Variants in XYLT1 observed in about 807,000 individuals in gnomAD.
XYLT1 encodes beta-D-xylosyltransferase 1.
Under a neutral mutation model 91.3 loss-of-function variants are expected in XYLT1, and 36 were observed. The ratio of observed to expected loss-of-function variants is 0.39; its 90% CI spans 0.30 to 0.52. The LOEUF (loss-of-function observed/expected upper bound fraction) is 0.52, where lower values mean the gene tolerates loss of function less well. XYLT1 is among the 20% of genes least tolerant of loss of function. The probability of loss-of-function intolerance (pLI) is 0.68; values close to 1 mark genes in which losing one functional copy is unlikely to be tolerated. For missense variants in XYLT1, 1,242 were observed against 1,284.5 expected (o/e 0.97, Z 0.51); for synonymous variants, 588 against 532.0 (o/e 1.11, Z -1.45).
chr16:17,331,566 G>C (rs574777171), intron 2 of XYLT1, among the ~76,000 whole-genome samples: 2 of 152,330 alleles, frequency 1.3e-5, no homozygotes, highest in African/African-American at 4.8e-5. Flanking sequence ...GTTTAAAGGA[G>C]GGAGGGATTA....
chr16:17,388,869 C>A (rs1006758560), intron 1 of XYLT1, among the ~76,000 whole-genome samples: 3 of 152,142 alleles, frequency 2.0e-5, no homozygotes, highest in African/African-American at 7.2e-5. Context: ...TGGGTCAAGG[C>A]AAAAGCACCT....
intron 1 of XYLT1, among the ~76,000 whole-genome samples, chr16:17,431,282 T>G (rs1317119908): frequency 6.6e-6 from 1 of 152,194 alleles, no homozygotes; most frequent in African/African-American, 2.4e-5. Context: ...CTTCTCAAAC[T>G]TCACGTGCAC....
intron 5 of XYLT1, chr16:17,193,642 T>G (rs537861311): frequency 2.7e-4 from 41 of 152,328 alleles, no homozygotes; most frequent in African/African-American, 9.1e-4. Flanking sequence ...CAGTGCCTCT[T>G]AGAAGTGCCT....
At chr16:17,370,291 C>T (rs765645273) in intron 1 of XYLT1, among the ~76,000 whole-genome samples, 12 of 152,316 alleles carry the variant, frequency 7.9e-5, no homozygotes, top group Non-Finnish European at 1.5e-4. Context: ...CAGGAGACGA[C>T]GCTGTGCTAA....
chr16:17,197,796 T>C (rs1286294743), intron 5 of XYLT1, among the ~76,000 whole-genome samples: 7 of 152,190 alleles, frequency 4.6e-5, no homozygotes, highest in Admixed American at 3.9e-4. Flanking sequence ...GTTTTGAGAA[T>C]CAGACTGGCT....
At chr16:17,275,491 A>G (rs1407489038) in intron 2 of XYLT1, among the ~76,000 whole-genome samples, 1 of 152,088 alleles carries the variant, frequency 6.6e-6, no homozygotes, top group Non-Finnish European at 1.5e-5. Context: ...AGGAGTCCAG[A>G]AGTAAGAGAG....
chr16:17,338,156 C>G (rs1381461378), intron 2 of XYLT1: 1 of 456,340 alleles, frequency 2.2e-6, no homozygotes, highest in South Asian at 1.5e-5. Flanking sequence ...ATCATAACTC[C>G]CCTGAACTGA....
At chr16:17,287,151 G>C (rs16968695) in intron 2 of XYLT1, among the ~76,000 whole-genome samples, 15,418 of 152,014 alleles carry the variant, frequency 0.1, 999 homozygotes, top group African/African-American at 0.18. Context: ...ACTGCAGCCA[G>C]CTAAAAATAG....
Position 17,459,741 on chromosome 16 carries a change from C to G in XYLT1, c.363+10693G>C, listed in dbSNP as rs145738455. The stretch of plus-strand genomic sequence containing the variant: ...ATTGGGAGGTCATCCTGCCCCCAAA[C>G]CATAAAGAGCATGAGGGCAGGGTCA... On this transcript the variant is annotated intron_variant, in intron 1 of 11. Transcript: ENST00000261381. Among the ~76,000 whole-genome samples, 476 of 152,304 alleles carry G rather than the reference C, an allele frequency of 3.1e-3. 24 individuals carry two copies. In the East Asian group the frequency reaches 0.063, roughly 20 times the overall value.
chr16:17,442,163 C>G (rs538032632), intron 1 of XYLT1, among the ~76,000 whole-genome samples: 26 of 152,320 alleles, frequency 1.7e-4, no homozygotes, highest in Non-Finnish European at 2.8e-4. Flanking sequence ...GAACAACACT[C>G]TGGCCCTCCT....
In XYLT1 at chr16:17,357,712, A is replaced by G. The variant is rs548584904; in HGVS notation, c.402+300T>C. On this transcript the variant is annotated intron_variant, in intron 2 of 11. Coordinates refer to ENST00000261381, the MANE Select transcript of XYLT1 (RefSeq NM_022166.4). ...TCTCCTTTGCATGAACCTCCGCATG[A>G]TGGTTGGGCAGGAGCGAAGGACAGA... Among the ~76,000 whole-genome samples, 89 of 152,270 alleles carry G rather than the reference A, an allele frequency of 5.8e-4. 1 individual carries two copies. The highest frequency in any genetic ancestry group is 2.0e-3 in the African/African-American group (83 of 41,530).
intron 3 of XYLT1, among the ~76,000 whole-genome samples, chr16:17,243,623 C>G (rs79632373): frequency 0.026 from 4,004 of 152,272 alleles, 188 homozygotes; most frequent in African/African-American, 0.092. Context: ...GGGAGGGGCA[C>G]AGCTAAAATT....
At chr16:17,302,280 G>A (rs1380017397) in intron 2 of XYLT1, among the ~76,000 whole-genome samples, 1 of 152,084 alleles carries the variant, frequency 6.6e-6, no homozygotes, top group Non-Finnish European at 1.5e-5. Context: ...CCAGGCCCAG[G>A]TACCAGGATG....
At chr16:17,171,700 G>C (rs2031823632) in intron 5 of XYLT1, among the ~76,000 whole-genome samples, 1 of 152,242 alleles carries the variant, frequency 6.6e-6, no homozygotes, top group Non-Finnish European at 1.5e-5. Flanking sequence ...TAGATCATCG[G>C]TTTTTAAGCT....
At chr16:17,380,328 T>C (rs1374562821) in intron 1 of XYLT1, among the ~76,000 whole-genome samples, 2 of 151,766 alleles carry the variant, frequency 1.3e-5, no homozygotes, top group Non-Finnish European at 2.9e-5. Context: ...TAAAAAGAGG[T>C]GGTTGGAGCG....
At chr16:17,232,528 T>C (rs2033181512) in intron 3 of XYLT1, among the ~76,000 whole-genome samples, 1 of 150,768 alleles carries the variant, frequency 6.6e-6, no homozygotes, top group African/African-American at 2.4e-5. Flanking sequence ...CTTTATGGTA[T>C]GTTCTCAGTA....
chr16:17,454,903 T>TC lies in XYLT1; in HGVS notation c.363+15530dup, dbSNP rs201490419. Among the ~76,000 whole-genome samples, 70 of 36,968 alleles carry TC rather than the reference T, an allele frequency of 1.9e-3. 1 individual carries two copies. Among genetic ancestry groups the TC allele is most frequent in the East Asian group, 5.0e-3 (7 of 1,404 alleles). 24.3% of individuals were successfully genotyped at this position (36,968 alleles called of 152,430 possible). ...CGCGTCACAAAATATCATTCTTTCC[T>TC]CCCCCCCCCGCCCCCCCCCGCAACT... On this transcript the variant is annotated intron_variant, in intron 1 of 11. Coordinates refer to ENST00000261381, the MANE Select transcript of XYLT1 (RefSeq NM_022166.4).
At chr16:17,134,117 CATCTTTGACATTTTCCATCAAA>C (rs1020398539) in intron 9 of XYLT1, among the ~76,000 whole-genome samples, 280 of 152,216 alleles carry the variant, frequency 1.8e-3, no homozygotes, top group Non-Finnish European at 3.2e-3. Flanking sequence ...CTATGTTGTA[CATCTTTGACATTTTCCATCAAA>C]AAAAGTTTTG....
intron 2 of XYLT1, among the ~76,000 whole-genome samples, chr16:17,343,469 A>G (rs2035094883): frequency 6.6e-6 from 1 of 152,044 alleles, no homozygotes. Context: ...TAGTTTTAAA[A>G]TGAAAAAAAA....
Sources: gnomAD v4.1 joint callset for allele counts (sites outside exome capture counted in the v4.1 genomes callset) on GRCh38, gnomAD v4.1.1 for gene constraint, MANE v1.5 for transcripts, NCBI Gene and HGNC (gene_info 2026-07-23, HGNC 2026-07-21) for gene names.